The following DGKI variants were observed in gnomAD, a reference collection of about 807,000 sequenced individuals.
DGKI encodes diacylglycerol kinase iota, also known as DAG kinase iota.
In DGKI, 55 loss-of-function variants were observed where a neutral mutation model predicts 147.5. That is an observed-to-expected ratio of 0.37 (90% CI 0.30 to 0.47). The LOEUF (loss-of-function observed/expected upper bound fraction) is 0.47, where lower values mean the gene tolerates loss of function less well. Among genes scored for constraint, DGKI ranks in the 20% least tolerant of loss-of-function variants. DGKI has a pLI of 1.00. For synonymous variants in DGKI, 469 were observed against 477.1 expected, an observed-to-expected ratio of 0.98 and a Z score of 0.22; for missense variants, 1,007 against 1,323.8, an observed-to-expected ratio of 0.76 and a Z score of 3.71.
chr7:137,626,031 A>G (rs1820928528), intron 6 of DGKI, among the ~76,000 whole-genome samples: 1 of 152,162 alleles, frequency 6.6e-6, no homozygotes, highest in African/African-American at 2.4e-5. Context: ...AATTAGGCAC[A>G]TCCTGTGTGA....
intron 1 of DGKI, among the ~76,000 whole-genome samples, chr7:137,757,663 A>G (rs902889936): frequency 3.9e-5 from 6 of 152,124 alleles, no homozygotes; most frequent in Non-Finnish European, 8.8e-5. Flanking sequence ...TCCTATTAGA[A>G]AAAAAAATTA....
chr7:137,723,915 G>A (rs780112420), intron 1 of DGKI, among the ~76,000 whole-genome samples: 7 of 151,664 alleles, frequency 4.6e-5, no homozygotes, highest in Non-Finnish European at 8.8e-5. Flanking sequence ...TCACCATGTT[G>A]GCCAGGATAG....
At chr7:137,493,767 CAG>C (rs1416391406) in intron 21 of DGKI, 50 of 701,804 alleles carry the variant, frequency 7.1e-5, no homozygotes, top group Admixed American at 6.2e-4. Context: ...CTCAAAAAGC[CAG>C]AGAGTCTTCT....
intron 1 of DGKI, chr7:137,774,549 C>T (rs973420782): frequency 3.3e-5 from 5 of 152,102 alleles, no homozygotes; most frequent in African/African-American, 1.2e-4. Context: ...TTCCCATTAC[C>T]CTCCCCCTAC....
intron 15 of DGKI, among the ~76,000 whole-genome samples, chr7:137,580,272 A>T (rs1253615958): frequency 6.6e-6 from 1 of 152,118 alleles, no homozygotes; most frequent in African/African-American, 2.4e-5. Flanking sequence ...AATATGAGAT[A>T]AAAAATGGGG....
intron 1 of DGKI, among the ~76,000 whole-genome samples, chr7:137,777,741 T>G (rs1796403382): frequency 6.6e-6 from 1 of 152,250 alleles, no homozygotes; most frequent in East Asian, 1.9e-4. Context: ...AGTCTTCATC[T>G]GGTTCATTTT....
rs745381286 is a variant in DGKI, at chr7:137,788,635, T to TACACAC, written c.401+57821_401+57826dup. On this transcript the variant is annotated intron_variant, in intron 1 of 32. Coordinates refer to ENST00000614521, the MANE Select transcript of DGKI (RefSeq NM_001321708.2). ...TGCCCTGCATACCCAAACCCATAAA[T>TACACAC]ACACACACACACACACACACACACA... 7.0e-3 allele frequency among the ~76,000 whole-genome samples: 841 copies of TACACAC among 120,148 alleles called. 2 individuals carry two copies. Among genetic ancestry groups the TACACAC allele is most frequent in the African/African-American group, 0.021 (569 of 27,106 alleles). The allele number at this position is 120,148 out of a possible 152,430, so 78.8% of individuals were successfully genotyped here. A position where few individuals can be genotyped will look rare whatever the true frequency, so the allele number is the denominator to read the frequency against.
intron 15 of DGKI, among the ~76,000 whole-genome samples, chr7:137,581,311 C>A (rs1374713155): frequency 1.3e-5 from 2 of 152,274 alleles, no homozygotes; most frequent in East Asian, 1.9e-4. Context: ...TTAATCCCAT[C>A]ACCATTACAT....
At chr7:137,672,185 G>A (rs1245516158) in intron 3 of DGKI, among the ~76,000 whole-genome samples, 1 of 152,186 alleles carries the variant, frequency 6.6e-6, no homozygotes, top group African/African-American at 2.4e-5. Flanking sequence ...GTGTGCATAC[G>A]TGTCAGTGAG....
chr7:137,507,454 A>G (rs565938919), intron 21 of DGKI, among the ~76,000 whole-genome samples: 1 of 152,296 alleles, frequency 6.6e-6, no homozygotes, highest in African/African-American at 2.4e-5. Context: ...ATAGTATACT[A>G]CCTAAGTGGG....
At chr7:137,662,227 T>C (rs1252587913) in intron 3 of DGKI, among the ~76,000 whole-genome samples, 1 of 151,088 alleles carries the variant, frequency 6.6e-6, no homozygotes, top group African/African-American at 2.4e-5. Context: ...CCGGCTGAAG[T>C]TCCAGCACAC....
rs545285781 is a variant in DGKI, at chr7:137,387,879, A to T, written c.*3341T>A. On this transcript the variant is annotated 3_prime_UTR_variant, in exon 33 of 33. Coordinates refer to ENST00000614521, the MANE Select transcript of DGKI (RefSeq NM_001321708.2). ...AAGCCATGAATATTATAAGGGGTCT[A>T]GTAAATAAATAAATTTCAGAAATTC... 2 of 152,238 alleles carry T rather than the reference A, an allele frequency of 1.3e-5. No individual in the cohort carries two copies. Among genetic ancestry groups the T allele is most frequent in the Non-Finnish European group, 2.9e-5 (2 of 68,038 alleles). 9.4% of individuals were successfully genotyped at this position (152,238 alleles called of 1,614,324 possible).
chr7:137,723,864 C>T (rs1335532347), intron 1 of DGKI, among the ~76,000 whole-genome samples: 1 of 151,950 alleles, frequency 6.6e-6, no homozygotes, highest in African/African-American at 2.4e-5. Flanking sequence ...CACATATCAC[C>T]ATATCCAGCT....
chr7:137,812,195 C>T (rs1306260176), intron 1 of DGKI, among the ~76,000 whole-genome samples: 2 of 152,176 alleles, frequency 1.3e-5, no homozygotes, highest in Admixed American at 6.5e-5. Flanking sequence ...CATAGTTAGA[C>T]CTGGGTGTAA....
At chr7:137,507,502 T>C (rs1816408842) in intron 21 of DGKI, among the ~76,000 whole-genome samples, 1 of 152,214 alleles carries the variant, frequency 6.6e-6, no homozygotes, top group African/African-American at 2.4e-5. Context: ...AAAAAAATCC[T>C]CTTAAATGCT....
rs966728730 is a variant in DGKI at position 137,381,214 on chromosome 7, G to A, written c.*10006C>T. ...TGATCAAGATACTTTATATAAATAGGAAATGCAAGAAAATTAGGGAAAAAT... is the reference window on the plus strand; with the variant it reads ...TGATCAAGATACTTTATATAAATAGAAAATGCAAGAAAATTAGGGAAAAAT... On this transcript the variant is annotated 3_prime_UTR_variant, in exon 33 of 33. Coordinates refer to ENST00000614521, the MANE Select transcript of DGKI (RefSeq NM_001321708.2). The A allele has an allele frequency of 1.3e-5, 2 of 151,688 alleles. No individual in the cohort carries two copies. Among genetic ancestry groups the A allele is most frequent in the African/African-American group, 4.9e-5 (2 of 41,232 alleles). 9.4% of individuals were successfully genotyped at this position (151,688 alleles called of 1,614,324 possible). A position where few individuals can be genotyped will look rare whatever the true frequency, so the allele number is the denominator to read the frequency against.
At chr7:137,557,885 C>T (rs187450466) in intron 19 of DGKI, among the ~76,000 whole-genome samples, 1 of 152,302 alleles carries the variant, frequency 6.6e-6, no homozygotes, top group African/African-American at 2.4e-5. Flanking sequence ...TGTTTTATAG[C>T]CTGAGCTCCT....
chr7:137,413,297 A>C (rs916867600), intron 28 of DGKI, among the ~76,000 whole-genome samples: 1 of 147,758 alleles, frequency 6.8e-6, no homozygotes, highest in East Asian at 2.0e-4. Context: ...ATTCATTTTT[A>C]TTTTAGATTC....
chr7:137,782,534 G>C (rs1157686493), intron 1 of DGKI, among the ~76,000 whole-genome samples: 1 of 152,104 alleles, frequency 6.6e-6, no homozygotes, highest in Admixed American at 6.5e-5. Flanking sequence ...CAAAGACAAA[G>C]GTCATAATCT....
Sources: gnomAD v4.1 joint callset for allele counts (sites outside exome capture counted in the v4.1 genomes callset) on GRCh38, gnomAD v4.1.1 for gene constraint, MANE v1.5 for transcripts, NCBI Gene and HGNC (gene_info 2026-07-23, HGNC 2026-07-21) for gene names.